The following MNAT1 variants were observed in gnomAD, a reference collection of about 807,000 sequenced individuals.
MNAT1 encodes the protein MNAT1 component of CDK activating kinase.
A neutral mutation model predicts 42.0 loss-of-function variants in MNAT1; 43 were observed. That is an observed-to-expected ratio of 1.02 (90% CI 0.80 to 1.32). The LOEUF is 1.32. MNAT1 is among the 40% of genes most tolerant of loss of function. The pLI, the probability that MNAT1 is intolerant of heterozygous loss-of-function variation, is 0.00. For synonymous variants in MNAT1, 118 were observed against 120.0 expected (o/e 0.98, Z 0.11); for missense variants, 306 against 350.4 (o/e 0.87, Z 1.01).
intron 1 of MNAT1, among the ~76,000 whole-genome samples, chr14:60,770,803 G>A (rs1274583671): frequency 6.6e-6 from 1 of 151,986 alleles, no homozygotes; most frequent in Non-Finnish European, 1.5e-5. Context: ...AACTTACTTT[G>A]TTCATTCAGC....
intron 7 of MNAT1, among the ~76,000 whole-genome samples, chr14:60,909,335 C>T (rs2035290369): frequency 6.6e-6 from 1 of 152,088 alleles, no homozygotes; most frequent in Non-Finnish European, 1.5e-5. Flanking sequence ...TAATTAGATC[C>T]CATTTGTCAA....
At chr14:60,736,635 C>T (rs1434915842) in intron 1 of MNAT1, among the ~76,000 whole-genome samples, 7 of 152,052 alleles carry the variant, frequency 4.6e-5, no homozygotes, top group Non-Finnish European at 1.0e-4. Context: ...AAAGCTGTAG[C>T]GTATTGGCTG....
At chr14:60,821,128 C>A (rs543945628) in intron 6 of MNAT1, among the ~76,000 whole-genome samples, 3 of 152,262 alleles carry the variant, frequency 2.0e-5, no homozygotes, top group East Asian at 3.9e-4. Flanking sequence ...CTCCTGCCCC[C>A]ATCCACATTA....
intron 7 of MNAT1, among the ~76,000 whole-genome samples, chr14:60,883,525 A>G (rs1334875862): frequency 2.0e-5 from 3 of 151,856 alleles, no homozygotes; most frequent in Non-Finnish European, 4.4e-5. Context: ...GAAGTTTTAT[A>G]TCTTTAAAGT....
At chr14:60,965,232 A>G (rs912611423) in intron 7 of MNAT1, among the ~76,000 whole-genome samples, 4 of 152,254 alleles carry the variant, frequency 2.6e-5, no homozygotes, top group African/African-American at 7.2e-5. Flanking sequence ...TAGCATTAAT[A>G]AGTCAAATTT....
intron 7 of MNAT1, among the ~76,000 whole-genome samples, chr14:60,944,861 A>G (rs996903982): frequency 6.6e-6 from 1 of 152,164 alleles, no homozygotes; most frequent in Admixed American, 6.5e-5. Context: ...TTATTCATAG[A>G]TGTACAAATA....
chr14:60,903,734 CT>C (rs2035122010), intron 7 of MNAT1, among the ~76,000 whole-genome samples: 2 of 151,890 alleles, frequency 1.3e-5, no homozygotes, highest in Admixed American at 6.6e-5. Flanking sequence ...CTGTATACTG[CT>C]TTTTGGTCAT....
chr14:60,940,491 C>T (rs960881471), intron 7 of MNAT1, among the ~76,000 whole-genome samples: 2 of 152,226 alleles, frequency 1.3e-5, no homozygotes, highest in Non-Finnish European at 2.9e-5. Context: ...GATCTTGGCT[C>T]ACTGCAAGCT....
At chr14:60,815,193 A>G (rs189127582) in intron 5 of MNAT1, among the ~76,000 whole-genome samples, 2 of 152,116 alleles carry the variant, frequency 1.3e-5, no homozygotes, top group South Asian at 2.1e-4. Context: ...CCAGCTTTGC[A>G]TAACAATTAT....
At chr14:60,947,170 G>A (rs1050060934) in intron 7 of MNAT1, among the ~76,000 whole-genome samples, 1 of 152,078 alleles carries the variant, frequency 6.6e-6, no homozygotes, top group Non-Finnish European at 1.5e-5. Context: ...ATAGCAAATC[G>A]TTTTCAGACT....
chr14:60,767,176 A>G (rs1297356437), intron 1 of MNAT1, among the ~76,000 whole-genome samples: 2 of 152,198 alleles, frequency 1.3e-5, no homozygotes, highest in African/African-American at 4.8e-5. Flanking sequence ...TGCAATATAA[A>G]CCTAAACTAC....
At chr14:60,913,969 C>T (rs565304071) in intron 7 of MNAT1, among the ~76,000 whole-genome samples, 37 of 152,338 alleles carry the variant, frequency 2.4e-4, no homozygotes, top group South Asian at 8.3e-4. Flanking sequence ...GTGGTGGGCT[C>T]CACGCAGTTC....
intron 7 of MNAT1, among the ~76,000 whole-genome samples, chr14:60,883,993 A>C (rs2034607437): frequency 6.6e-6 from 1 of 152,074 alleles, no homozygotes; most frequent in African/African-American, 2.4e-5. Flanking sequence ...TTCCAAATAT[A>C]AGATCATATC....
intron 7 of MNAT1, among the ~76,000 whole-genome samples, chr14:60,961,292 C>T (rs138616744): frequency 1.9e-3 from 289 of 152,302 alleles, no homozygotes; most frequent in African/African-American, 6.8e-3. Flanking sequence ...TTTTCAGTGG[C>T]TTCCCAGTGC....
At chr14:60,746,136 A>G (rs1032238076) in intron 1 of MNAT1, among the ~76,000 whole-genome samples, 1 of 152,210 alleles carries the variant, frequency 6.6e-6, no homozygotes, top group African/African-American at 2.4e-5. Flanking sequence ...TAGGCCAGCC[A>G]TTTAACTTTG....
chr14:60,780,078 A>G, intron 1 of MNAT1: 1 of 1,465,168 alleles, frequency 6.8e-7, no homozygotes, highest in Non-Finnish European at 9.6e-7. Flanking sequence ...ATTTTATATC[A>G]GCGTGGCATT....
At chr14:60,742,329 C>T (rs939697159) in intron 1 of MNAT1, among the ~76,000 whole-genome samples, 2 of 152,104 alleles carry the variant, frequency 1.3e-5, no homozygotes, top group African/African-American at 4.8e-5. Flanking sequence ...CTCAAGTGAT[C>T]TACCCACCTC....
intron 1 of MNAT1, among the ~76,000 whole-genome samples, chr14:60,746,111 T>C (rs1243011568): frequency 6.6e-6 from 1 of 152,222 alleles, no homozygotes; most frequent in Admixed American, 6.5e-5. Flanking sequence ...AGTTTCACCA[T>C]AGACTAGCGA....
At chr14:60,750,384 G>A (rs181368945) in intron 1 of MNAT1, among the ~76,000 whole-genome samples, 111 of 151,684 alleles carry the variant, frequency 7.3e-4, no homozygotes, top group Middle Eastern at 3.4e-3. Flanking sequence ...CTGCCACCAC[G>A]CCCGGCCAAT....
Sources: allele counts gnomAD v4.1 joint callset (sites outside exome capture counted in the v4.1 genomes callset), GRCh38; gene constraint gnomAD v4.1.1; transcripts MANE v1.5; gene names NCBI Gene and HGNC (gene_info 2026-07-23, HGNC 2026-07-21).